The following RASD1 variants were observed in gnomAD, a reference collection of about 807,000 sequenced individuals.
RASD1 encodes the protein ras related dexamethasone induced 1, also known as dexamethasone-induced Ras-related protein 1.
Under a neutral mutation model 16.7 loss-of-function variants are expected in RASD1, and 13 were observed. The observed-to-expected ratio is 0.78, with a 90% CI of 0.51 to 1.24. RASD1 has a LOEUF of 1.24. Among genes scored for constraint, RASD1 ranks in the 50% most tolerant of loss-of-function variants. The probability of loss-of-function intolerance (pLI) is 0.00; values close to 1 mark genes in which losing one functional copy is unlikely to be tolerated. For missense variants in RASD1, 397 were observed against 407.5 expected (o/e 0.97, Z 0.22); for synonymous variants, 170 against 172.6 (o/e 0.98, Z 0.12).
At position 17,494,646 on chromosome 17, in the gene RASD1, C is replaced by A. The variant is rs563428476; in HGVS notation, c.*479G>T. 58 of 182,902 alleles carry A rather than the reference C, an allele frequency of 3.2e-4. 2 individuals are homozygous for A. In the South Asian group the frequency reaches 4.2e-3, roughly 13 times the overall value. 11.3% of individuals were successfully genotyped at this position (182,902 alleles called of 1,614,324 possible). A position where few individuals can be genotyped will look rare whatever the true frequency, so the allele number is the denominator to read the frequency against. On this transcript the variant is annotated 3_prime_UTR_variant, in exon 2 of 2. Coordinates refer to ENST00000225688, the MANE Select transcript of RASD1 (RefSeq NM_016084.5). ...AACAAGTCACTTGGCTATGATTTGACCCACGCCCCCCCGCTTAGTTTTGGG... is the reference window on the plus strand; with the variant it reads ...AACAAGTCACTTGGCTATGATTTGAACCACGCCCCCCCGCTTAGTTTTGGG...
rs1387254748 is a variant in RASD1 at position 17,494,981 on chromosome 17, T to C, written c.*144A>G. The C allele has an allele frequency of 3.9e-6, 4 of 1,027,380 alleles. No homozygotes were observed. Among genetic ancestry groups the C allele is most frequent in the Non-Finnish European group, 5.6e-6 (4 of 717,708 alleles). The allele number at this position is 1,027,380 out of a possible 1,614,324, so 63.6% of individuals were successfully genotyped here. A position where few individuals can be genotyped will look rare whatever the true frequency, so the allele number is the denominator to read the frequency against. On this transcript the variant is annotated 3_prime_UTR_variant, in exon 2 of 2. Coordinates refer to ENST00000225688, the MANE Select transcript of RASD1 (RefSeq NM_016084.5). ...AGATGACCGTCCCTTCTCGGTTCAG[T>C]GGCGCCTCCCCAGTGCTGGGGGCGG...
Position 17,495,930 on chromosome 17 carries a change from C to T in RASD1, c.252G>A (p.Pro84=), listed in dbSNP as rs1303146222. The T allele has an allele frequency of 1.9e-6, 3 of 1,610,760 alleles. No individual in the cohort carries two copies. The highest frequency in any genetic ancestry group is 2.7e-5 in the African/African-American group (2 of 74,918). ...TGGAGAGGCGCCGCATGGCGGGGAA[C>T]GGGTGGTTGCCGGACGTGTCGAGGA... ...LDILDTSGNH[P]FPAMRRLSIL... The change falls in exon 1 of 2, where the codon CCG becomes CCA. Residue 84 remains proline (P), a synonymous_variant. Coordinates refer to ENST00000225688, the MANE Select transcript of RASD1 (RefSeq NM_016084.5).
rs771627558 is a variant in RASD1 at position 17,495,339 on chromosome 17, A to T, written c.632T>A (p.Val211Glu). 2 of 1,567,002 alleles carry T rather than the reference A, an allele frequency of 1.3e-6. No individual in the cohort carries two copies. Among genetic ancestry groups the T allele is most frequent in the South Asian group, 2.3e-5 (2 of 86,078 alleles). Residue 211 changes from valine (V) to glutamate (E), a missense_variant, in exon 2 of 2, where the codon GTG (valine) becomes GAG (glutamate). Physicochemically the swap from Val to Glu is moderately radical, Grantham distance 121. Coordinates refer to ENST00000225688, the MANE Select transcript of RASD1 (RefSeq NM_016084.5). ...CTTGTGCAGCACGTCGCAGTACTGC[A>T]CCGAGACCTTGCGGTGCAGGTCTGG... ...MSPDLHRKVS[V>E]QYCDVLHKKA...
In RASD1 at chr17:17,494,841, A is replaced by G; in HGVS notation, c.*284T>C. ...CTCACTCTTAGGTCTTTGAGAAGAT[A>G]AATCCACCCTCGGCTGGGCCCTCGC... On this transcript the variant is annotated 3_prime_UTR_variant, in exon 2 of 2. Coordinates refer to ENST00000225688, the MANE Select transcript of RASD1 (RefSeq NM_016084.5). The G allele has an allele frequency of 1.9e-6, 1 of 528,700 alleles. No homozygotes were observed. The allele number at this position is 528,700 out of a possible 1,614,324, so 32.8% of individuals were successfully genotyped here.
In RASD1 at chr17:17,495,637, C is replaced by G. The variant is rs376003421; in HGVS notation, c.334G>C (p.Glu112Gln). ...VFSLDNRDSF[E>Q]EVQRLRQQIL... is the part of the protein sequence containing the mutation. ...TGCTGCCTGAGCCGCTGCACCTCCT[C>G]GAAGGAGTCGCGGTTGTCCAGACTG... Residue 112 changes from glutamate (E) to glutamine (Q), a missense_variant, in exon 2 of 2, where the codon GAG becomes CAG. By Grantham distance (29) the Glu-to-Gln change is conservative. Transcript: ENST00000225688. 3.7e-6 allele frequency: 6 copies of G among 1,612,868 alleles called. No individual in the cohort carries two copies. Among genetic ancestry groups the G allele is most frequent in the Non-Finnish European group, 5.1e-6 (6 of 1,179,844 alleles).
At position 17,495,008 on chromosome 17, in the gene RASD1, T is replaced by C. The variant is rs1477269572; in HGVS notation, c.*117A>G. ...GCGCCTCCCCAGTGCTGGGGGCGGA[T>C]CGCCGGGAGGGGAGACGCCAGTCCG... On this transcript the variant is annotated 3_prime_UTR_variant, in exon 2 of 2. Coordinates refer to ENST00000225688, the MANE Select transcript of RASD1 (RefSeq NM_016084.5). 3.9e-6 allele frequency: 5 copies of C among 1,297,740 alleles called. No individual in the cohort carries two copies. Among genetic ancestry groups the C allele is most frequent in the Non-Finnish European group, 4.2e-6 (4 of 945,234 alleles). The allele number at this position is 1,297,740 out of a possible 1,614,324, so 80.4% of individuals were successfully genotyped here.
chr17:17,495,007 A>G lies in RASD1; in HGVS notation c.*118T>C. 1 of 1,288,612 alleles carries G rather than the reference A, an allele frequency of 7.8e-7. No individual in the cohort carries two copies. Among genetic ancestry groups the G allele is most frequent in the South Asian group, 1.4e-5 (1 of 69,388 alleles). The allele number at this position is 1,288,612 out of a possible 1,614,324, so 79.8% of individuals were successfully genotyped here. Reference sequence around the variant, plus strand: ...GGCGCCTCCCCAGTGCTGGGGGCGGATCGCCGGGAGGGGAGACGCCAGTCC... The same window carrying G: ...GGCGCCTCCCCAGTGCTGGGGGCGGGTCGCCGGGAGGGGAGACGCCAGTCC... On this transcript the variant is annotated 3_prime_UTR_variant, in exon 2 of 2. Transcript: ENST00000225688.
rs566716068 is a variant in RASD1 at position 17,495,722 on chromosome 17, G to C, written c.287-38C>G. 1.9e-6 allele frequency: 3 copies of C among 1,550,464 alleles called. No individual in the cohort carries two copies. In the African/African-American group the frequency reaches 4.1e-5, roughly 21 times the overall value. ...CAGAGAGCAGAAAAGGAGAAGGTGA[G>C]GGTGGCCGCCCAGGGGACAAGTCGG... On this transcript the variant is annotated intron_variant, in intron 1 of 1. Transcript: ENST00000225688.
chr17:17,496,351 C>G lies in RASD1; in HGVS notation c.-170G>C. On this transcript the variant is annotated 5_prime_UTR_variant, in exon 1 of 2. Transcript: ENST00000225688. ...CGGGCTGGGCTCGGGCTAGGCTGGGCTCGGCTGGGGTTCTCCCAGGATCTG... is the reference window on the plus strand; with the variant it reads ...CGGGCTGGGCTCGGGCTAGGCTGGGGTCGGCTGGGGTTCTCCCAGGATCTG... 1.4e-6 allele frequency: 1 copy of G among 706,750 alleles called. No homozygotes were observed. The highest frequency in any genetic ancestry group is 1.9e-5 in the African/African-American group (1 of 52,140). 43.8% of individuals were successfully genotyped at this position (706,750 alleles called of 1,614,324 possible). A position where few individuals can be genotyped will look rare whatever the true frequency, so the allele number is the denominator to read the frequency against.
chr17:17,496,390 T>G lies in RASD1; in HGVS notation c.-209A>C. 2 of 510,966 alleles carry G rather than the reference T, an allele frequency of 3.9e-6. No individual in the cohort carries two copies. Among genetic ancestry groups the G allele is most frequent in the Non-Finnish European group, 6.5e-6 (2 of 305,370 alleles). The allele number at this position is 510,966 out of a possible 1,614,324, so 31.7% of individuals were successfully genotyped here. On this transcript the variant is annotated 5_prime_UTR_variant, in exon 1 of 2. Coordinates refer to ENST00000225688, the MANE Select transcript of RASD1 (RefSeq NM_016084.5). ...TCCCAGGATCTGGGCACAGGCCGCTTGCTCTGGCTTTGGCGCCCGGCCGCC... is the reference window on the plus strand; with the variant it reads ...TCCCAGGATCTGGGCACAGGCCGCTGGCTCTGGCTTTGGCGCCCGGCCGCC...
rs1443508209 is a variant in RASD1, at chr17:17,496,043, C to T, written c.139G>A (p.Gly47Ser). Residue 47 changes from glycine to serine, a missense_variant, in exon 1 of 2, where the codon GGC becomes AGC. Coordinates refer to ENST00000225688, the MANE Select transcript of RASD1 (RefSeq NM_016084.5). ...KTAIVSRFLT[G>S]RFEDAYTPTI... ...GGCGTGTAGGCGTCCTCGAAGCGGC[C>T]GGTGAGGAAGCGCGACACGATGGCC... 1.2e-6 allele frequency: 2 copies of T among 1,613,942 alleles called. No homozygotes were observed. The highest frequency in any genetic ancestry group is 1.3e-5 in the African/African-American group (1 of 74,916).
chr17:17,496,153 ATCT>A lies in RASD1; in HGVS notation c.26_28del (p.Lys9del), dbSNP rs781000257. 20 of 1,608,498 alleles carry A rather than the reference ATCT, an allele frequency of 1.2e-5. No homozygotes were observed. The highest frequency in any genetic ancestry group is 8.4e-5 in the Admixed American group (5 of 59,792). ...ACTCAGCTCCGAGTCGCTCGGGCAC[ATCT>A]TCTTGATCATCGCGGCCAGTTTCAT... On this transcript the variant is annotated inframe_deletion, in exon 1 of 2. Coordinates refer to ENST00000225688, the MANE Select transcript of RASD1 (RefSeq NM_016084.5).
In RASD1 at chr17:17,495,583, TC is replaced by T; in HGVS notation, c.387del (p.Asn130ThrfsTer72). On this transcript the variant is annotated frameshift_variant, in exon 2 of 2. Coordinates refer to ENST00000225688, the MANE Select transcript of RASD1 (RefSeq NM_016084.5). LOFTEE classifies it high-confidence loss of function. ...ACGTCCACGTTCTCCTTGGTTTTGT[TC>T]TTGAGGCAAGACTTGGTGTCGAGGA... ...QQILDTKSCL[K>X]NKTKENVDVP... The T allele has an allele frequency of 6.2e-7, 1 of 1,613,086 alleles. No individual in the cohort carries two copies. The highest frequency in any genetic ancestry group is 8.5e-7 in the Non-Finnish European group (1 of 1,179,924).
chr17:17,495,088 G>A lies in RASD1; in HGVS notation c.*37C>T, dbSNP rs1208049488. ...CCGTTGGATTTGACTTAACAAAAAG[G>A]TCCTCCTTAGGTTGTGTCGCCAGCG... On this transcript the variant is annotated 3_prime_UTR_variant, in exon 2 of 2. Coordinates refer to ENST00000225688, the MANE Select transcript of RASD1 (RefSeq NM_016084.5). The A allele has an allele frequency of 1.3e-6, 2 of 1,599,964 alleles. No individual in the cohort carries two copies. Among genetic ancestry groups the A allele is most frequent in the African/African-American group, 1.4e-5 (1 of 73,850 alleles).
chr17:17,495,194 GA>G lies in RASD1; in HGVS notation c.776del (p.Leu259ProfsTer73). 1 of 1,611,776 alleles carries G rather than the reference GA, an allele frequency of 6.2e-7. No homozygotes were observed. The highest frequency in any genetic ancestry group is 1.7e-5 in the Admixed American group (1 of 60,002). On this transcript the variant is annotated frameshift_variant, in exon 2 of 2. Coordinates refer to ENST00000225688, the MANE Select transcript of RASD1 (RefSeq NM_016084.5). LOFTEE classifies it high-confidence loss of function. ...FARRPSVHSD[L>X]MYIREKASAG... ...CGCTGGCCTTCTCGCGGATGTACATGAGGTCGCTGTGTACGCTGGGCCGGCG... is the reference window on the plus strand; with the variant it reads ...CGCTGGCCTTCTCGCGGATGTACATGGGTCGCTGTGTACGCTGGGCCGGCG...
In RASD1 at chr17:17,495,723, G is replaced by A. The variant is rs1294614351; in HGVS notation, c.287-39C>T. The A allele has an allele frequency of 3.9e-6, 6 of 1,549,140 alleles. No individual in the cohort carries two copies. The South Asian group carries it at 7.4e-5, about 19-fold the overall frequency. ...AGAGAGCAGAAAAGGAGAAGGTGAG[G>A]GTGGCCGCCCAGGGGACAAGTCGGG... On this transcript the variant is annotated intron_variant, in intron 1 of 1. Transcript: ENST00000225688.
Position 17,495,680 on chromosome 17 carries a change from G to T in RASD1, c.291C>A (p.Asp97Glu). ...CCAGACTGAACACCAGGATGAAAAC[G>T]TCTCCTAGAGGGGGCACAGAGAGCA... ...AMRRLSILTG[D>E]VFILVFSLDN... The change falls in exon 2 of 2, where the codon GAC becomes GAA. Residue 97 changes from aspartate to glutamate, a missense_variant. Asp to Glu is a conservative substitution (Grantham distance 45). Coordinates refer to ENST00000225688, the MANE Select transcript of RASD1 (RefSeq NM_016084.5). 6.2e-7 allele frequency: 1 copy of T among 1,606,566 alleles called. No homozygotes were observed. The highest frequency in any genetic ancestry group is 8.5e-7 in the Non-Finnish European group (1 of 1,176,002).
At position 17,495,584 on chromosome 17, in the gene RASD1, C is replaced by A. The variant is rs760122866; in HGVS notation, c.387G>T (p.Lys129Asn). 5 of 1,613,056 alleles carry A rather than the reference C, an allele frequency of 3.1e-6. No individual in the cohort carries two copies. The highest frequency in any genetic ancestry group is 4.2e-6 in the Non-Finnish European group (5 of 1,179,906). ...CGTCCACGTTCTCCTTGGTTTTGTT[C>A]TTGAGGCAAGACTTGGTGTCGAGGA... is the stretch of plus-strand genomic sequence containing the variant. ...QQILDTKSCLKNKTKENVDVP... is the reference protein window; with the variant it reads ...QQILDTKSCLNNKTKENVDVP... Residue 129 changes from lysine to asparagine, a missense_variant, in exon 2 of 2, where the codon AAG becomes AAT. By Grantham distance (94) the Lys-to-Asn change is moderately conservative (BLOSUM62 0). Transcript: ENST00000225688.
rs1262063986 is a variant in RASD1 at position 17,495,811 on chromosome 17, G to A, written c.286+85C>T. 4 of 1,477,296 alleles carry A rather than the reference G, an allele frequency of 2.7e-6. No individual in the cohort carries two copies. In the East Asian group the frequency reaches 9.7e-5, roughly 36 times the overall value. 91.5% of individuals were successfully genotyped at this position (1,477,296 alleles called of 1,614,324 possible). ...AAGCGCGAAGCGCACTACTCGGCGC[G>A]CGGCAGCCGGACCGGCGCTCGCGGG... On this transcript the variant is annotated intron_variant, in intron 1 of 1. Transcript: ENST00000225688.
Sources: allele counts gnomAD v4.1 joint callset, GRCh38; gene constraint gnomAD v4.1.1; transcripts MANE v1.5; gene names NCBI Gene and HGNC (gene_info 2026-07-23, HGNC 2026-07-21).